The following CATSPER3 variants were observed in gnomAD, a reference collection of about 807,000 sequenced individuals.
CATSPER3 encodes the protein cation channel sperm associated 3, also known as cation channel sperm-associated protein 3.
CATSPER3 carries 23 observed loss-of-function variants against 36.6 expected under a neutral mutation model. That is an observed-to-expected ratio of 0.63 (90% CI 0.45 to 0.89). CATSPER3 has a LOEUF of 0.89. CATSPER3 is among the 40% of genes least tolerant of loss of function. The pLI is 0.00. For missense variants in CATSPER3, 474 were observed against 503.9 expected, an observed-to-expected ratio of 0.94 and a Z score of 0.57; for synonymous variants, 172 against 184.1, an observed-to-expected ratio of 0.93 and a Z score of 0.53.
At chr5:134,986,004 A>G (rs1046760828) in intron 2 of CATSPER3, among the ~76,000 whole-genome samples, 4 of 152,132 alleles carry the variant, frequency 2.6e-5, no homozygotes, top group African/African-American at 9.7e-5. Flanking sequence ...AGCCATATAT[A>G]TATACATATA....
At chr5:135,008,749 C>A in intron 4 of CATSPER3, 92 bp from the exon 5 acceptor site, 1 of 1,128,072 alleles carries the variant, frequency 8.9e-7, no homozygotes, top group South Asian at 1.3e-5. Context: ...CACCCTTCTC[C>A]TCAGTGGGCC....
chr5:135,006,326 G>A (rs1580915377), intron 3 of CATSPER3, among the ~76,000 whole-genome samples: 2 of 152,326 alleles, frequency 1.3e-5, no homozygotes, highest in East Asian at 3.9e-4. Context: ...GCACCAGCTT[G>A]TGGGCTGGCC....
At chr5:134,981,999 A>C (rs1751757331) in intron 2 of CATSPER3, among the ~76,000 whole-genome samples, 1 of 152,058 alleles carries the variant, frequency 6.6e-6, no homozygotes, top group Non-Finnish European at 1.5e-5. Flanking sequence ...GCTTGATGGC[A>C]GGGCCTGTAA....
Position 134,980,412 on chromosome 5 carries a change from CCTTT to C in CATSPER3, c.252+10325_252+10328del, listed in dbSNP as rs1490281016. ...TCCCTCCTTCCCTCCTTCCTTTCCT[CCTTT>C]CTTTTTTTCTTTCTTTCTTTTTTTT... On this transcript the variant is annotated intron_variant, in intron 2 of 7. Coordinates refer to ENST00000282611, the MANE Select transcript of CATSPER3 (RefSeq NM_178019.3). Among the ~76,000 whole-genome samples the C allele has an allele frequency of 6.1e-5, 9 of 147,088 alleles. No homozygotes were observed. The East Asian group carries it at 1.4e-3, about 23-fold the overall frequency.
intron 2 of CATSPER3, among the ~76,000 whole-genome samples, chr5:134,979,893 T>TA: frequency 6.6e-6 from 1 of 152,114 alleles, no homozygotes; most frequent in Admixed American, 6.5e-5. Context: ...AGAGCCAATC[T>TA]AAAAAATCTA....
chr5:134,970,804 T>A (rs1268835248), intron 2 of CATSPER3, among the ~76,000 whole-genome samples: 2 of 152,094 alleles, frequency 1.3e-5, no homozygotes, highest in Non-Finnish European at 2.9e-5. Context: ...ACTCCTGACC[T>A]CAAGTGAGCT....
chr5:135,000,018 G>T (rs568488875), intron 3 of CATSPER3, among the ~76,000 whole-genome samples: 1 of 152,122 alleles, frequency 6.6e-6, no homozygotes, highest in East Asian at 1.9e-4. Context: ...CAGTTTTTGC[G>T]CATTCAGTAT....
chr5:134,991,975 AGCCAGGTGTGGT>A (rs1751884178), intron 2 of CATSPER3, among the ~76,000 whole-genome samples: 1 of 152,082 alleles, frequency 6.6e-6, no homozygotes, highest in Non-Finnish European at 1.5e-5. Flanking sequence ...TACAAAAATT[AGCCAGGTGTGGT>A]GGCATGTGCC....
intron 2 of CATSPER3, 59 bp downstream of exon 2, chr5:134,970,151 A>T: frequency 6.5e-7 from 1 of 1,545,310 alleles, no homozygotes; most frequent in Non-Finnish European, 8.9e-7. Flanking sequence ...TATTTCTGGA[A>T]ACATTATAAG....
At chr5:134,971,089 A>G (rs955790039) in intron 2 of CATSPER3, among the ~76,000 whole-genome samples, 1 of 151,804 alleles carries the variant, frequency 6.6e-6, no homozygotes, top group Non-Finnish European at 1.5e-5. Context: ...AGCTGGGATT[A>G]CAGGCGCCCG....
At chr5:134,982,737 C>T (rs1751764792) in intron 2 of CATSPER3, among the ~76,000 whole-genome samples, 1 of 152,102 alleles carries the variant, frequency 6.6e-6, no homozygotes, top group Non-Finnish European at 1.5e-5. Flanking sequence ...GTAACTTGAA[C>T]TCATACAAAG....
chr5:134,992,244 A>G (rs1751887490), intron 2 of CATSPER3, among the ~76,000 whole-genome samples: 1 of 152,210 alleles, frequency 6.6e-6, no homozygotes, highest in Non-Finnish European at 1.5e-5. Flanking sequence ...CAACAGCATC[A>G]ACAAAACAAG....
chr5:135,011,574 A>G lies in CATSPER3; in HGVS notation c.1148A>G (p.Asp383Gly). 6.2e-7 allele frequency: 1 copy of G among 1,614,144 alleles called. No individual in the cohort carries two copies. Among genetic ancestry groups the G allele is most frequent in the Admixed American group, 1.7e-5 (1 of 60,026 alleles). The change falls in exon 8 of 8, where the codon GAC becomes GGC. Residue 383 changes from aspartate to glycine, a missense_variant. By Grantham distance (94) the Asp-to-Gly change is moderately conservative. Transcript: ENST00000282611. ...CATGTGCTGAGCCTAATGCTGGAAG[A>G]CTTGCCCCAGGAGAAGCCCCAGTCC... is the stretch of plus-strand genomic sequence containing the variant. ...IVHVLSLMLE[D>G]LPQEKPQSLE...
chr5:134,985,495 C>T (rs1451116507), intron 2 of CATSPER3, among the ~76,000 whole-genome samples: 2 of 152,164 alleles, frequency 1.3e-5, no homozygotes, highest in East Asian at 1.9e-4. Flanking sequence ...TCAATGCACA[C>T]CTACATGGGT....
At chr5:134,998,811 T>G (rs1751984390) in intron 3 of CATSPER3, among the ~76,000 whole-genome samples, 1 of 152,238 alleles carries the variant, frequency 6.6e-6, no homozygotes, top group Non-Finnish European at 1.5e-5. Flanking sequence ...ATTCTGGATA[T>G]TAGCCCTTTG....
chr5:134,968,042 A>C lies in CATSPER3; in HGVS notation c.51A>C (p.Pro17=), dbSNP rs1202559850. The C allele has an allele frequency of 1.2e-6, 2 of 1,614,118 alleles. No homozygotes were observed. The highest frequency in any genetic ancestry group is 1.7e-5 in the Admixed American group (1 of 60,030). The change falls in exon 1 of 8, where the codon CCA becomes CCC. Residue 17 remains proline, a synonymous_variant. Transcript: ENST00000282611. The part of the protein sequence containing the change: ...QRHSRVISSS[P]VDTTSVGFCP... ...ACTCGAGAGTCATTTCTAGTTCACC[A>C]GTTGACACTACATCGGTGGGATTTT...
chr5:134,989,935 A>ACCCTTGTAGGG lies in CATSPER3; in HGVS notation c.253-6338_253-6337insCCCTTGTAGGG, dbSNP rs1751858039. The stretch of plus-strand genomic sequence containing the variant: ...CTTCATTTCACTTGAACACTTACAG[A>ACCCTTGTAGGG]TCATTGTAGGGTTATTAACTGACCT... On this transcript the variant is annotated intron_variant, in intron 2 of 7. Coordinates refer to ENST00000282611, the MANE Select transcript of CATSPER3 (RefSeq NM_178019.3). 2.0e-5 allele frequency among the ~76,000 whole-genome samples: 3 copies of ACCCTTGTAGGG among 152,306 alleles called. 1 individual carries two copies. In the South Asian group the frequency reaches 6.2e-4, roughly 32 times the overall value.
chr5:134,973,280 C>T (rs954762995), intron 2 of CATSPER3, among the ~76,000 whole-genome samples: 9 of 152,130 alleles, frequency 5.9e-5, no homozygotes, highest in Admixed American at 2.0e-4. Flanking sequence ...CATCATCTGA[C>T]AGTGAAGATA....
intron 1 of CATSPER3, chr5:134,968,681 ACT>A (rs1415337474): frequency 2.7e-5 from 4 of 150,476 alleles, no homozygotes; most frequent in African/African-American, 7.3e-5. Context: ...ACAGAACGAG[ACT>A]CTGTCTCAGA....
Sources: allele counts gnomAD v4.1 joint callset (sites outside exome capture counted in the v4.1 genomes callset), GRCh38; gene constraint gnomAD v4.1.1; transcripts MANE v1.5; gene names NCBI Gene and HGNC (gene_info 2026-07-23, HGNC 2026-07-21).